The following HIVEP3 variants were observed in gnomAD, a reference collection of about 807,000 sequenced individuals.
The protein encoded by HIVEP3 is transcription factor HIVEP3.
Under a neutral mutation model 152.8 loss-of-function variants are expected in HIVEP3, and 49 were observed. The ratio of observed to expected loss-of-function variants is 0.32; its 90% CI spans 0.26 to 0.41. The LOEUF is 0.41. Among genes scored for constraint, HIVEP3 ranks in the 10% least tolerant of loss-of-function variants. The pLI is 1.00. For synonymous variants in HIVEP3, 1,269 were observed against 1,289.0 expected, an observed-to-expected ratio of 0.98 and a Z score of 0.33; for missense variants, 2,790 against 3,103.3, an observed-to-expected ratio of 0.90 and a Z score of 2.40.
chr1:41,727,152 T>C (rs1646764916), intron 1 of HIVEP3, among the ~76,000 whole-genome samples: 1 of 152,202 alleles, frequency 6.6e-6, no homozygotes, highest in African/African-American at 2.4e-5. Context: ...TGGGTTTTTC[T>C]ATGTGCTAGT....
chr1:42,033,549 TA>T (rs35903230), intron 1 of HIVEP3, among the ~76,000 whole-genome samples: 68,153 of 151,968 alleles, frequency 0.45, 16,838 homozygotes, highest in East Asian at 0.71. Context: ...TGCATTGACT[TA>T]TCTCTCCAGT....
At chr1:41,965,973 C>T (rs1287229501) in intron 1 of HIVEP3, among the ~76,000 whole-genome samples, 2 of 152,048 alleles carry the variant, frequency 1.3e-5, no homozygotes. Context: ...TTAAAGGCAG[C>T]CAGAGAGAAA....
intron 1 of HIVEP3, among the ~76,000 whole-genome samples, chr1:41,840,963 G>A (rs1329551059): frequency 3.3e-5 from 5 of 152,222 alleles, no homozygotes; most frequent in African/African-American, 1.2e-4. Flanking sequence ...AGTGGAGCCT[G>A]ATCACTTACT....
intron 2 of HIVEP3, among the ~76,000 whole-genome samples, chr1:41,669,907 C>T (rs1198196718): frequency 2.0e-5 from 3 of 152,070 alleles, no homozygotes; most frequent in Admixed American, 6.5e-5. Flanking sequence ...TCTAGAGAAC[C>T]CTTATAGATG....
chr1:41,948,925 TGGAACAAC>T (rs1429255870), intron 1 of HIVEP3, among the ~76,000 whole-genome samples: 3 of 152,136 alleles, frequency 2.0e-5, no homozygotes, highest in Admixed American at 6.5e-5. Context: ...ACCTGAACAA[TGGAACAAC>T]TTCAGCCCAG....
chr1:41,869,950 C>T (rs1644049641), intron 1 of HIVEP3, among the ~76,000 whole-genome samples: 1 of 152,126 alleles, frequency 6.6e-6, no homozygotes. Context: ...TATTAAGGAA[C>T]AAATCTTACA....
Position 41,579,875 on chromosome 1 carries a change from C to A in HIVEP3, c.4923G>T (p.Gly1641=). 1 of 1,614,178 alleles carries A rather than the reference C, an allele frequency of 6.2e-7. No individual in the cohort carries two copies. Among genetic ancestry groups the A allele is most frequent in the Non-Finnish European group, 8.5e-7 (1 of 1,180,030 alleles). Residue 1641 remains glycine, a synonymous_variant, in exon 4 of 9, where the codon GGG becomes GGT. Coordinates refer to ENST00000372583, the MANE Select transcript of HIVEP3 (RefSeq NM_024503.5). ...CISLYNPNLP[G]VSTKAALSLL... ...GGGACAAAGCAGCTTTAGTGGAAAC[C>A]CCCGGAAGGTTGGGGTTGTACAAAC...
At chr1:41,927,782 C>G (rs1279609766) in intron 1 of HIVEP3, among the ~76,000 whole-genome samples, 1 of 152,248 alleles carries the variant, frequency 6.6e-6, no homozygotes, top group South Asian at 2.1e-4. Flanking sequence ...GGCTTGTAGG[C>G]AGGGCACAGT....
At chr1:41,903,243 C>CAAGGCAA (rs1644654775) in intron 1 of HIVEP3, among the ~76,000 whole-genome samples, 1 of 152,128 alleles carries the variant, frequency 6.6e-6, no homozygotes, top group African/African-American at 2.4e-5. Context: ...AATTCAAGAA[C>CAAGGCAA]AAGGCAAAAA....
chr1:41,829,078 C>A (rs1482892313), intron 1 of HIVEP3, among the ~76,000 whole-genome samples: 1 of 151,832 alleles, frequency 6.6e-6, no homozygotes, highest in Admixed American at 6.6e-5. Context: ...ACCCCTATGA[C>A]CCACTGGCTT....
At chr1:41,569,710 C>T (rs142832469) in intron 5 of HIVEP3, among the ~76,000 whole-genome samples, 1 of 152,224 alleles carries the variant, frequency 6.6e-6, no homozygotes, top group African/African-American at 2.4e-5. Context: ...ATGAAACACA[C>T]AGGTATGTGT....
At chr1:41,691,570 T>C (rs111392101) in intron 2 of HIVEP3, among the ~76,000 whole-genome samples, 66 of 152,326 alleles carry the variant, frequency 4.3e-4, no homozygotes, top group African/African-American at 1.3e-3. Flanking sequence ...CTCTCTACCA[T>C]TTGAGAACAC....
At chr1:41,628,025 C>A (rs1645142606) in intron 3 of HIVEP3, among the ~76,000 whole-genome samples, 1 of 152,182 alleles carries the variant, frequency 6.6e-6, no homozygotes, top group African/African-American at 2.4e-5. Flanking sequence ...TAACACTGCA[C>A]ACCTAACCTG....
intron 1 of HIVEP3, among the ~76,000 whole-genome samples, chr1:41,915,841 T>C (rs958394418): frequency 6.6e-6 from 1 of 152,230 alleles, no homozygotes; most frequent in African/African-American, 2.4e-5. Flanking sequence ...AGAATGCTAG[T>C]GCTGCCTGTT....
chr1:41,534,699 C>T (rs1346231889), intron 5 of HIVEP3, among the ~76,000 whole-genome samples: 1 of 152,224 alleles, frequency 6.6e-6, no homozygotes, highest in Non-Finnish European at 1.5e-5. Context: ...ACCAGCGAGG[C>T]CTTCTTTCCT....
intron 1 of HIVEP3, among the ~76,000 whole-genome samples, chr1:41,754,864 T>G (rs1215853699): frequency 6.6e-6 from 1 of 152,010 alleles, no homozygotes; most frequent in Non-Finnish European, 1.5e-5. Flanking sequence ...ACAGCCGGGG[T>G]TGGTGTGGGT....
At chr1:41,844,707 CT>C (rs1643387050) in intron 1 of HIVEP3, among the ~76,000 whole-genome samples, 1 of 152,226 alleles carries the variant, frequency 6.6e-6, no homozygotes, top group South Asian at 2.1e-4. Flanking sequence ...TTAGTCCACC[CT>C]CTACAACAAT....
chr1:41,833,590 C>T (rs991815336), intron 1 of HIVEP3, among the ~76,000 whole-genome samples: 1 of 152,172 alleles, frequency 6.6e-6, no homozygotes, highest in Non-Finnish European at 1.5e-5. Context: ...CTCTCCTCTG[C>T]CCCTCCAGGA....
chr1:41,645,092 G>A lies in HIVEP3; in HGVS notation c.-720-16145C>T, dbSNP rs576804851. Among the ~76,000 whole-genome samples, 4 of 152,246 alleles carry A rather than the reference G, an allele frequency of 2.6e-5. No individual in the cohort carries two copies. The South Asian group carries it at 8.3e-4, about 32-fold the overall frequency. On this transcript the variant is annotated intron_variant, in intron 2 of 8. Coordinates refer to ENST00000372583, the MANE Select transcript of HIVEP3 (RefSeq NM_024503.5). ...GAGAACAGGCAATACTGAGAACCAT[G>A]CTTTGTCCAGGCAGAGAATCCTTGG...
Sources: gnomAD v4.1 joint callset for allele counts (sites outside exome capture counted in the v4.1 genomes callset) on GRCh38, gnomAD v4.1.1 for gene constraint, MANE v1.5 for transcripts, NCBI Gene and HGNC (gene_info 2026-07-23, HGNC 2026-07-21) for gene names.